The following ANO6 variants were observed in gnomAD, a reference collection of about 807,000 sequenced individuals.
The protein encoded by ANO6 is anoctamin 6.
ANO6 carries 106 observed loss-of-function variants against 117.5 expected under a neutral mutation model. The observed-to-expected ratio is 0.90, with a 90% CI of 0.77 to 1.06. The LOEUF (loss-of-function observed/expected upper bound fraction) is 1.06, where lower values mean the gene tolerates loss of function less well. Ranked by LOEUF, ANO6 falls within the 50% of genes least tolerant of loss-of-function variation. The probability of loss-of-function intolerance (pLI) is 0.00; values close to 1 mark genes in which losing one functional copy is unlikely to be tolerated. For missense variants in ANO6, 955 were observed against 1,121.1 expected, an observed-to-expected ratio of 0.85 and a Z score of 2.12; for synonymous variants, 367 against 385.1, an observed-to-expected ratio of 0.95 and a Z score of 0.55.
At chr12:45,354,089 T>A (rs559440751) in intron 7 of ANO6, among the ~76,000 whole-genome samples, 2 of 152,118 alleles carry the variant, frequency 1.3e-5, no homozygotes, top group African/African-American at 4.8e-5. Context: ...TCCAGAGAAG[T>A]ATCTGAAGAA....
intron 1 of ANO6, among the ~76,000 whole-genome samples, chr12:45,222,034 A>G (rs1592832187): frequency 6.6e-6 from 1 of 151,672 alleles, no homozygotes; most frequent in African/African-American, 2.4e-5. Flanking sequence ...GGCCCCCGCC[A>G]CCACACCCAG....
intron 1 of ANO6, among the ~76,000 whole-genome samples, chr12:45,218,480 G>A (rs1411735094): frequency 1.4e-5 from 2 of 142,514 alleles, no homozygotes; most frequent in South Asian, 4.4e-4. Flanking sequence ...TTACAGCCTC[G>A]ACCTACGGGG....
intron 15 of ANO6, among the ~76,000 whole-genome samples, chr12:45,404,679 CCT>C (rs1434419293): frequency 6.6e-6 from 1 of 151,778 alleles, no homozygotes; most frequent in African/African-American, 2.4e-5. Flanking sequence ...TCTTCTTCCC[CCT>C]GTCCTCCTCC....
intron 1 of ANO6, among the ~76,000 whole-genome samples, chr12:45,289,753 A>G (rs997023497): frequency 2.0e-5 from 3 of 152,178 alleles, no homozygotes; most frequent in Non-Finnish European, 4.4e-5. Flanking sequence ...ATGAGACCCT[A>G]TGGGGTCTTT....
intron 1 of ANO6, among the ~76,000 whole-genome samples, chr12:45,227,331 G>C (rs966375482): frequency 2.0e-5 from 3 of 152,190 alleles, no homozygotes; most frequent in African/African-American, 7.2e-5. Context: ...GAGGAAAGAT[G>C]AACTTATATA....
intron 1 of ANO6, among the ~76,000 whole-genome samples, chr12:45,299,351 G>A (rs971517755): frequency 1.3e-5 from 2 of 152,128 alleles, no homozygotes; most frequent in Non-Finnish European, 2.9e-5. Flanking sequence ...CTTAATTTTG[G>A]CAATGGTTGC....
At chr12:45,354,006 G>A (rs1941348883) in intron 7 of ANO6, among the ~76,000 whole-genome samples, 1 of 152,130 alleles carries the variant, frequency 6.6e-6, no homozygotes, top group Non-Finnish European at 1.5e-5. Context: ...GTCCAGGCCG[G>A]TACAATGTAT....
chr12:45,327,387 A>G (rs930244864), intron 2 of ANO6, among the ~76,000 whole-genome samples: 57 of 152,328 alleles, frequency 3.7e-4, no homozygotes, highest in African/African-American at 1.3e-3. Context: ...CAACCAGTGT[A>G]TCAAAAGCTT....
rs181080255 is a variant in ANO6 at position 45,245,566 on chromosome 12, T to G, written c.70+29175T>G. Among the ~76,000 whole-genome samples the G allele has an allele frequency of 4.0e-3, 607 of 152,116 alleles. 4 individuals carry two copies. The highest frequency in any genetic ancestry group is 0.014 in the African/African-American group (571 of 41,482). On this transcript the variant is annotated intron_variant, in intron 1 of 19. Transcript: ENST00000320560. ...TTACAGGCATTTTTTTTTCCATCTATGTCCGGTAGAAAGCAGTAGAAAGGG... is the reference window on the plus strand; with the variant it reads ...TTACAGGCATTTTTTTTTCCATCTAGGTCCGGTAGAAAGCAGTAGAAAGGG...
At chr12:45,382,682 C>T (rs894199077) in intron 10 of ANO6, among the ~76,000 whole-genome samples, 3 of 152,124 alleles carry the variant, frequency 2.0e-5, no homozygotes, top group African/African-American at 7.2e-5. Context: ...GGGAGCCACA[C>T]AAATTTTTGT....
intron 2 of ANO6, among the ~76,000 whole-genome samples, chr12:45,318,433 T>C (rs1940129747): frequency 6.6e-6 from 1 of 152,166 alleles, no homozygotes; most frequent in African/African-American, 2.4e-5. Context: ...CAAATAGTTG[T>C]AGATGTGTGG....
chr12:45,408,124 G>A (rs116852630), intron 15 of ANO6, among the ~76,000 whole-genome samples: 33 of 152,328 alleles, frequency 2.2e-4, no homozygotes, highest in Non-Finnish European at 4.3e-4. Context: ...GGCTGGGTGT[G>A]CACGTGTGCA....
rs34786875 is a variant in ANO6, at chr12:45,228,291, C to CTTTTT, written c.70+11922_70+11926dup. 119 of 166,958 alleles carry CTTTTT rather than the reference C, an allele frequency of 7.1e-4. 2 individuals carry two copies. The highest frequency in any genetic ancestry group is 1.7e-3 in the South Asian group (29 of 17,566). The allele number at this position is 166,958 out of a possible 1,614,324, so 10.3% of individuals were successfully genotyped here. A position where few individuals can be genotyped will look rare whatever the true frequency, so the allele number is the denominator to read the frequency against. On this transcript the variant is annotated intron_variant, in intron 1 of 19. Coordinates refer to ENST00000320560, the MANE Select transcript of ANO6 (RefSeq NM_001025356.3). The stretch of plus-strand genomic sequence containing the variant: ...GACCACAGGTATGCACCAGGCCCTC[C>CTTTTT]TTTTTTTTTTTTTTTTTTTTTTTTT...
intron 12 of ANO6, among the ~76,000 whole-genome samples, chr12:45,398,135 T>G (rs1255486578): frequency 6.6e-6 from 1 of 152,178 alleles, no homozygotes; most frequent in African/African-American, 2.4e-5. Context: ...CCAGAAGATA[T>G]ATTTGTTAAC....
intron 10 of ANO6, among the ~76,000 whole-genome samples, chr12:45,383,854 T>C (rs1353125293): frequency 6.6e-6 from 1 of 152,226 alleles, no homozygotes; most frequent in African/African-American, 2.4e-5. Flanking sequence ...CTAAGAGCGT[T>C]GGCTTCAACA....
rs35185612 is a variant in ANO6 at position 45,248,428 on chromosome 12, C to CTTT, written c.70+32054_70+32056dup. On this transcript the variant is annotated intron_variant, in intron 1 of 19. Coordinates refer to ENST00000320560, the MANE Select transcript of ANO6 (RefSeq NM_001025356.3). The stretch of plus-strand genomic sequence containing the variant: ...GAAAATATATTTTATAAAAAGTAGA[C>CTTT]TTTTTTTTTTTTTTTTTTTGGTGGG... 1.4e-4 allele frequency among the ~76,000 whole-genome samples: 17 copies of CTTT among 120,858 alleles called. 1 individual carries two copies. Among genetic ancestry groups the CTTT allele is most frequent in the African/African-American group, 4.2e-4 (13 of 30,640 alleles). 79.3% of individuals were successfully genotyped at this position (120,858 alleles called of 152,430 possible).
chr12:45,244,062 A>C (rs1434828738), intron 1 of ANO6, among the ~76,000 whole-genome samples: 2 of 152,248 alleles, frequency 1.3e-5, no homozygotes, highest in African/African-American at 2.4e-5. Flanking sequence ...TATAAATGCT[A>C]TACAGAGTTT....
chr12:45,379,698 C>CA (rs1331543716), intron 10 of ANO6, among the ~76,000 whole-genome samples: 7 of 152,014 alleles, frequency 4.6e-5, no homozygotes, highest in Non-Finnish European at 8.8e-5. Flanking sequence ...TGAAATAAAG[C>CA]AAAAAATGTT....
intron 1 of ANO6, among the ~76,000 whole-genome samples, chr12:45,265,545 A>T (rs551287763): frequency 4.3e-4 from 65 of 152,274 alleles, no homozygotes; most frequent in Admixed American, 9.8e-4. Flanking sequence ...TCCATTTAAT[A>T]TTCACAGCAG....
Sources: gnomAD v4.1 joint callset for allele counts (sites outside exome capture counted in the v4.1 genomes callset) on GRCh38, gnomAD v4.1.1 for gene constraint, MANE v1.5 for transcripts, NCBI Gene and HGNC (gene_info 2026-07-23, HGNC 2026-07-21) for gene names.